COBL: variants seen among roughly 807,000 people sequenced by gnomAD.
COBL encodes the protein protein cordon-bleu.
Under a neutral mutation model 98.8 loss-of-function variants are expected in COBL, and 51 were observed. That is an observed-to-expected ratio of 0.52 (90% confidence interval 0.41 to 0.65). The LOEUF (loss-of-function observed/expected upper bound fraction) is 0.65. COBL is among the 30% of genes least tolerant of loss of function. The pLI, the probability that COBL is intolerant of heterozygous loss-of-function variation, is 0.00. For synonymous variants in COBL, 634 were observed against 651.7 expected, an observed-to-expected ratio of 0.97 and a Z score of 0.41; for missense variants, 1,617 against 1,617.5, an observed-to-expected ratio of 1.00 and a Z score of 0.01.
chr7:51,229,828 C>G (rs763285963), intron 1 of COBL, among the ~76,000 whole-genome samples: 2 of 152,144 alleles, frequency 1.3e-5, no homozygotes, highest in Non-Finnish European at 1.5e-5. Context: ...TACAAAGACA[C>G]GGCCAAACTG....
intron 1 of COBL, among the ~76,000 whole-genome samples, chr7:51,274,496 T>C (rs968767761): frequency 3.3e-5 from 5 of 152,218 alleles, no homozygotes; most frequent in African/African-American, 1.2e-4. Flanking sequence ...CCATTCATTA[T>C]CCATGAAAGA....
At chr7:51,074,312 T>C (rs1045325880) in intron 7 of COBL, among the ~76,000 whole-genome samples, 19 of 150,658 alleles carry the variant, frequency 1.3e-4, no homozygotes, top group Non-Finnish European at 2.7e-4. Context: ...TCTCCTGCCT[T>C]TGCCTCCAGA....
intron 2 of COBL, among the ~76,000 whole-genome samples, chr7:51,217,184 C>G (rs1400571198): frequency 6.6e-6 from 1 of 152,134 alleles, no homozygotes; most frequent in African/African-American, 2.4e-5. Context: ...GCAACCTCTA[C>G]TTTATAAGGG....
chr7:51,273,579 C>T (rs1311707604), intron 1 of COBL, among the ~76,000 whole-genome samples: 1 of 152,268 alleles, frequency 6.6e-6, no homozygotes, highest in East Asian at 1.9e-4. Flanking sequence ...GTGACACCTG[C>T]TTCTGCCGTT....
At chr7:51,267,685 G>A (rs770939496) in intron 1 of COBL, among the ~76,000 whole-genome samples, 3 of 151,890 alleles carry the variant, frequency 2.0e-5, no homozygotes, top group African/African-American at 7.3e-5. Flanking sequence ...AGCAATTCTC[G>A]TGCCTCAGCC....
intron 5 of COBL, among the ~76,000 whole-genome samples, chr7:51,144,248 C>G (rs1420861156): frequency 1.3e-5 from 2 of 152,248 alleles, no homozygotes; most frequent in East Asian, 1.9e-4. Flanking sequence ...ATATATGAAC[C>G]CACTTGACCC....
intron 5 of COBL, among the ~76,000 whole-genome samples, chr7:51,156,062 A>G (rs1786097349): frequency 6.6e-6 from 1 of 152,202 alleles, no homozygotes; most frequent in Non-Finnish European, 1.5e-5. Flanking sequence ...AGTTTTTGCT[A>G]TAAAGCTAGA....
intron 1 of COBL, among the ~76,000 whole-genome samples, chr7:51,220,390 G>A (rs1793521342): frequency 6.6e-6 from 1 of 152,200 alleles, no homozygotes; most frequent in South Asian, 2.1e-4. Context: ...AGGATCTGGA[G>A]TCCATGGATC....
chr7:51,290,146 G>C (rs1800752288), intron 1 of COBL, among the ~76,000 whole-genome samples: 1 of 152,196 alleles, frequency 6.6e-6, no homozygotes, highest in Non-Finnish European at 1.5e-5. Flanking sequence ...GACTGCTCAA[G>C]ATCAACACTT....
intron 5 of COBL, among the ~76,000 whole-genome samples, chr7:51,139,325 C>A (rs1446588576): frequency 1.3e-5 from 2 of 152,146 alleles, no homozygotes; most frequent in Non-Finnish European, 2.9e-5. Context: ...CTCATGAGGG[C>A]CACACTGAGA....
chr7:51,241,058 C>A (rs1453895666), intron 1 of COBL, among the ~76,000 whole-genome samples: 1 of 152,126 alleles, frequency 6.6e-6, no homozygotes, highest in Non-Finnish European at 1.5e-5. Flanking sequence ...CCAGCCTTTC[C>A]CTGCCCCAGA....
At chr7:51,270,181 G>A (rs1004921502) in intron 1 of COBL, among the ~76,000 whole-genome samples, 5 of 152,252 alleles carry the variant, frequency 3.3e-5, no homozygotes, top group South Asian at 4.1e-4. Context: ...TGGCTGGAGC[G>A]AAATAAAATG....
chr7:51,184,067 A>T (rs1018950353), intron 5 of COBL, 35 bp downstream of exon 5: 3 of 1,085,608 alleles, frequency 2.8e-6, no homozygotes, highest in Non-Finnish European at 4.0e-6. Context: ...TTTTTTTTAC[A>T]TGATACAAAA....
chr7:51,020,027 C>A (rs141159885), intron 12 of COBL, among the ~76,000 whole-genome samples: 43 of 152,288 alleles, frequency 2.8e-4, no homozygotes, highest in African/African-American at 9.9e-4. Flanking sequence ...ACGCGTGTGG[C>A]CCGCATCAAT....
At chr7:51,233,767 G>A (rs573589221) in intron 1 of COBL, among the ~76,000 whole-genome samples, 275 of 152,282 alleles carry the variant, frequency 1.8e-3, no homozygotes, top group Non-Finnish European at 2.8e-3. Context: ...GGAAACGGAC[G>A]TTTTCAGGAT....
chr7:51,235,161 C>A (rs1243285563), intron 1 of COBL, among the ~76,000 whole-genome samples: 1 of 152,184 alleles, frequency 6.6e-6, no homozygotes. Flanking sequence ...AGTCAAGCAG[C>A]CCAACCTGTT....
intron 6 of COBL, among the ~76,000 whole-genome samples, chr7:51,093,899 GA>G (rs949012629): frequency 0.011 from 1,179 of 109,590 alleles, 13 homozygotes; most frequent in Non-Finnish European, 0.016. Context: ...GACACCAAAA[GA>G]AAAAAAAAAA....
chr7:51,155,589 C>CA (rs58500324), intron 5 of COBL, among the ~76,000 whole-genome samples: 2,180 of 30,798 alleles, frequency 0.071, 461 homozygotes, highest in East Asian at 0.36. Flanking sequence ...GACTCCATCT[C>CA]AAAAAAAAAA....
intron 7 of COBL, among the ~76,000 whole-genome samples, chr7:51,074,329 G>A (rs546307458): frequency 3.3e-5 from 5 of 151,604 alleles, no homozygotes; most frequent in South Asian, 2.1e-4. Flanking sequence ...CAGAGTAGCT[G>A]GGATTATAGG....
Sources: gnomAD v4.1 joint callset for allele counts (sites outside exome capture counted in the v4.1 genomes callset) on GRCh38, gnomAD v4.1.1 for gene constraint, MANE v1.5 for transcripts, NCBI Gene and HGNC (gene_info 2026-07-23, HGNC 2026-07-21) for gene names.